ZNF717: variants seen among roughly 807,000 people sequenced by gnomAD.
The protein encoded by ZNF717 is zinc finger protein 717, also known as krueppel-like factor X17.
Under a neutral mutation model 13.8 loss-of-function variants are expected in ZNF717, and 9 were observed. The ratio of observed to expected loss-of-function variants is 0.65; its 90% CI spans 0.39 to 1.14. The LOEUF (loss-of-function observed/expected upper bound fraction) is 1.14. ZNF717 is among the 50% of genes most tolerant of loss of function. ZNF717 has a pLI of 0.01. For missense variants in ZNF717, 1,040 were observed against 1,080.7 expected, an observed-to-expected ratio of 0.96 and a Z score of 0.53; for synonymous variants, 327 against 364.1, an observed-to-expected ratio of 0.90 and a Z score of 1.16.
intron 5 of ZNF717, among the ~76,000 whole-genome samples, chr3:75,713,166 A>G (rs112502186): frequency 6.6e-6 from 1 of 151,972 alleles, no homozygotes; most frequent in African/African-American, 2.4e-5. Flanking sequence ...ATTTTATTTT[A>G]TTTGAGACAA....
Position 75,741,209 on chromosome 3 carries a change from A to G in ZNF717, c.277+67T>C, listed in dbSNP as rs1940380995. ...TAGGGAAAAAAGTGGTGAAAACAAG[A>G]TAACACTACAAAAATTTGCTGGGCA... On this transcript the variant is annotated intron_variant, in intron 4 of 4. Transcript: ENST00000652011. The G allele has an allele frequency of 6.3e-6, 6 of 954,952 alleles. No individual in the cohort carries two copies. The East Asian group carries it at 1.1e-4, about 17-fold the overall frequency. The allele number at this position is 954,952 out of a possible 1,614,324, so 59.2% of individuals were successfully genotyped here.
rs1304089136 is a variant in ZNF717, at chr3:75,716,726, T to C, written n.545-185A>G. Among the ~76,000 whole-genome samples, 107 of 152,330 alleles carry C rather than the reference T, an allele frequency of 7.0e-4. 1 individual carries two copies. The highest frequency in any genetic ancestry group is 3.4e-3 in the Middle Eastern group (1 of 294). ...GATTCTTGGGGGTGGTAAATAATTA[T>C]ACTTTCTGTGGTTAGTTAGGGAGAA... On this transcript the variant is annotated intron_variant and non_coding_transcript_variant, in intron 4 of 5. Transcript: ENST00000491507.
chr3:75,782,336 A>G (rs889848753), intron 2 of ZNF717, among the ~76,000 whole-genome samples: 1 of 152,190 alleles, frequency 6.6e-6, no homozygotes, highest in Non-Finnish European at 1.5e-5. Context: ...AGGTGTGGAG[A>G]GTTATTTAAG....
intron 2 of ZNF717, among the ~76,000 whole-genome samples, chr3:75,765,283 AT>A (rs1409318768): frequency 1.0e-3 from 81 of 79,324 alleles, no homozygotes; most frequent in African/African-American, 2.9e-3. Flanking sequence ...TAAAAAAAAA[AT>A]CTAGAAATCT....
rs1939688667 is a variant in ZNF717, at chr3:75,738,063, T to A, written c.1560A>T (p.Ser520=). Residue 520 remains serine, a synonymous_variant, in exon 5 of 5, where the codon TCA becomes TCT. Transcript: ENST00000652011. ...NECGKTFRCK[S]FLTVHQRTHA... is the part of the protein sequence containing the mutation. ...GAGTTCTCTGATGGACAGTGAGGAATGACTTACAGCGAAAGGTTTTCCCAC... is the reference window on the plus strand; with the variant it reads ...GAGTTCTCTGATGGACAGTGAGGAAAGACTTACAGCGAAAGGTTTTCCCAC... The A allele has an allele frequency of 1.5e-6, 2 of 1,343,658 alleles. No individual in the cohort carries two copies. 83.2% of individuals were successfully genotyped at this position (1,343,658 alleles called of 1,614,324 possible). A position where few individuals can be genotyped will look rare whatever the true frequency, so the allele number is the denominator to read the frequency against.
chr3:75,755,357 G>A (rs1313044622), intron 2 of ZNF717, among the ~76,000 whole-genome samples: 2 of 152,242 alleles, frequency 1.3e-5, no homozygotes, highest in African/African-American at 4.8e-5. Context: ...AATACACACA[G>A]ATAGATTATG....
intron 2 of ZNF717, 48 bp from the exon 3 acceptor site, chr3:75,741,784 A>G: frequency 6.4e-7 from 1 of 1,559,634 alleles, no homozygotes; most frequent in Non-Finnish European, 8.6e-7. Flanking sequence ...ACGTTCCTGT[A>G]CAGGGTCCTC....
intron 6 of ZNF717, among the ~76,000 whole-genome samples, chr3:75,701,247 C>T (rs1246670292): frequency 3.8e-4 from 57 of 150,770 alleles, no homozygotes; most frequent in African/African-American, 1.4e-3. Context: ...TCCCCCTTTG[C>T]TTCACATACA....
intron 4 of ZNF717, among the ~76,000 whole-genome samples, chr3:75,724,305 T>A (rs1938232769): frequency 2.6e-5 from 4 of 152,130 alleles, no homozygotes. Context: ...CTTTGTCTTG[T>A]GTCTTTATTT....
At chr3:75,745,653 T>C (rs796915880) in intron 2 of ZNF717, among the ~76,000 whole-genome samples, 6 of 152,152 alleles carry the variant, frequency 3.9e-5, no homozygotes, top group African/African-American at 1.2e-4. Context: ...ATACCCACCA[T>C]TGTACTTTGT....
chr3:75,712,071 A>G (rs1363022047), intron 5 of ZNF717, among the ~76,000 whole-genome samples: 27 of 152,380 alleles, frequency 1.8e-4, no homozygotes, highest in Non-Finnish European at 1.2e-4. Context: ...CCATCAGGAC[A>G]TAACAGCAGA....
At chr3:75,750,695 A>T (rs796820827) in intron 2 of ZNF717, among the ~76,000 whole-genome samples, 26 of 123,852 alleles carry the variant, frequency 2.1e-4, no homozygotes, top group South Asian at 5.5e-4. Context: ...TGAATGTTTG[A>T]CCCTCACATA....
At chr3:75,766,691 G>T (rs1177253906) in intron 2 of ZNF717, among the ~76,000 whole-genome samples, 1 of 152,252 alleles carries the variant, frequency 6.6e-6, no homozygotes, top group African/African-American at 2.4e-5. Flanking sequence ...TGACCCAAAT[G>T]GTATTTATGA....
intron 2 of ZNF717, among the ~76,000 whole-genome samples, chr3:75,745,980 C>G (rs750819404): frequency 1.3e-5 from 2 of 152,052 alleles, no homozygotes; most frequent in African/African-American, 4.8e-5. Flanking sequence ...CCCAGTAACT[C>G]GTAATTTACA....
At chr3:75,711,259 A>G (rs1937931092) in exon 6 of ZNF717, 1 of 152,280 alleles carries the variant, frequency 6.6e-6, no homozygotes. Context: ...TCAAAAAATT[A>G]TACTTTACTG....
rs1378028529 is a variant in ZNF717 at position 75,737,672 on chromosome 3, CATTACAT to C, written c.1944_1950del (p.Cys649AsnfsTer27). On this transcript the variant is annotated frameshift_variant, in exon 5 of 5. Transcript: ENST00000652011. LOFTEE classifies it low-confidence loss of function (END_TRUNC). Reference sequence around the variant, plus strand: ...TTGCGATGAAAGGTTTTTCCACATTCATTACATACGTAAGGTTTCTCTCCTGTGTGAG... The same window carrying C: ...TTGCGATGAAAGGTTTTTCCACATTCACGTAAGGTTTCTCTCCTGTGTGAG... 3.7e-4 allele frequency: 213 copies of C among 583,320 alleles called. No individual in the cohort carries two copies. The East Asian group carries it at 0.018, about 49-fold the overall frequency. The allele number at this position is 583,320 out of a possible 1,614,324, so 36.1% of individuals were successfully genotyped here.
At chr3:75,706,965 G>C (rs1378841452), downstream of ZNF717, among the ~76,000 whole-genome samples, 11 of 152,364 alleles carry the variant, frequency 7.2e-5, no homozygotes, top group African/African-American at 2.6e-4. Flanking sequence ...CCTCTTACTG[G>C]GGAGAGGTTT....
downstream of ZNF717, among the ~76,000 whole-genome samples, chr3:75,709,360 G>A (rs1033716336): frequency 2.6e-5 from 4 of 151,982 alleles, no homozygotes; most frequent in Admixed American, 6.6e-5. Context: ...TATCACCAAG[G>A]GGATGGTGCT....
At chr3:75,716,821 G>A (rs75672389) in intron 4 of ZNF717, among the ~76,000 whole-genome samples, 29 of 152,284 alleles carry the variant, frequency 1.9e-4, no homozygotes, top group African/African-American at 7.0e-4. Flanking sequence ...AGAATACTAT[G>A]TTCCTCCTTG....
Sources: gnomAD v4.1 joint callset for allele counts (sites outside exome capture counted in the v4.1 genomes callset) on GRCh38, gnomAD v4.1.1 for gene constraint, MANE v1.5 for transcripts, NCBI Gene and HGNC (gene_info 2026-07-23, HGNC 2026-07-21) for gene names.